STK32B: variants seen among roughly 807,000 people sequenced by gnomAD.
STK32B encodes the protein serine/threonine-protein kinase 32B.
In STK32B, 43 loss-of-function variants were observed where a neutral mutation model predicts 52.6. The ratio of observed to expected loss-of-function variants is 0.82; its 90% confidence interval spans 0.64 to 1.05. The LOEUF is 1.05. STK32B is among the 50% of genes least tolerant of loss of function. The probability of loss-of-function intolerance (pLI) is 0.00; values close to 1 mark genes in which losing one functional copy is unlikely to be tolerated. For missense variants in STK32B, 621 were observed against 534.6 expected (o/e 1.16, Z -1.59); for synonymous variants, 238 against 204.3 (o/e 1.17, Z -1.41).
intron 3 of STK32B, among the ~76,000 whole-genome samples, chr4:5,170,933 A>G (rs923319562): frequency 3.3e-5 from 5 of 152,204 alleles, no homozygotes; most frequent in African/African-American, 1.2e-4. Flanking sequence ...CCAACAGTGT[A>G]AAAGTCCTAT....
At chr4:5,321,455 G>T (rs996648267) in intron 3 of STK32B, among the ~76,000 whole-genome samples, 10 of 152,158 alleles carry the variant, frequency 6.6e-5, no homozygotes, top group Non-Finnish European at 1.0e-4. Context: ...AGTGGTGAGG[G>T]CTGTGTTGGT....
chr4:5,120,177 C>T (rs1714949177), intron 1 of STK32B, among the ~76,000 whole-genome samples: 1 of 152,210 alleles, frequency 6.6e-6, no homozygotes, highest in Admixed American at 6.5e-5. Context: ...CACTGGTAAT[C>T]ATTGACGTAA....
upstream of STK32B, chr4:5,051,443 T>A (rs1741771756): frequency 4.9e-6 from 1 of 202,178 alleles, no homozygotes; most frequent in African/African-American, 2.4e-5. Flanking sequence ...CGCCGCCCAC[T>A]GCGTGCTGCC....
At chr4:5,409,886 AAAG>A (rs1402482882) in intron 5 of STK32B, among the ~76,000 whole-genome samples, 3 of 152,224 alleles carry the variant, frequency 2.0e-5, no homozygotes, top group Non-Finnish European at 4.4e-5. Context: ...AAAAAAAATC[AAAG>A]GCTCATTTTA....
intron 3 of STK32B, among the ~76,000 whole-genome samples, chr4:5,288,988 A>G (rs1233903433): frequency 1.3e-5 from 2 of 152,242 alleles, no homozygotes; most frequent in African/African-American, 4.8e-5. Flanking sequence ...TTCCAGCACC[A>G]TTTGTTGAAA....
At chr4:5,449,193 A>AG (rs1715749732) in intron 7 of STK32B, among the ~76,000 whole-genome samples, 2 of 152,156 alleles carry the variant, frequency 1.3e-5, no homozygotes, top group South Asian at 4.1e-4. Flanking sequence ...ATACAAAAAA[A>AG]TTATCCTGGC....
intron 4 of STK32B, among the ~76,000 whole-genome samples, chr4:5,332,741 G>A (rs1425721336): frequency 6.6e-6 from 1 of 152,096 alleles, no homozygotes; most frequent in African/African-American, 2.4e-5. Context: ...GTGAGAACAT[G>A]CGGTGTTTGG....
chr4:5,299,370 C>T (rs56371066), intron 3 of STK32B, among the ~76,000 whole-genome samples: 49,812 of 151,932 alleles, frequency 0.33, 12,901 homozygotes, highest in African/African-American at 0.73. Flanking sequence ...TCCCCAGCAA[C>T]GTGCTGCAGT....
chr4:5,418,636 G>A (rs751934579), intron 6 of STK32B, among the ~76,000 whole-genome samples: 10 of 152,182 alleles, frequency 6.6e-5, no homozygotes, highest in Non-Finnish European at 1.2e-4. Context: ...AACTTTTGCC[G>A]CAGAAAACTA....
intron 3 of STK32B, among the ~76,000 whole-genome samples, chr4:5,311,928 T>C (rs1280323138): frequency 2.0e-5 from 3 of 148,172 alleles, no homozygotes; most frequent in African/African-American, 7.3e-5. Context: ...TTTTTTAAAG[T>C]TTATTCTTAT....
chr4:5,425,604 C>G (rs1266994136), intron 6 of STK32B, among the ~76,000 whole-genome samples: 3 of 111,128 alleles, frequency 2.7e-5, no homozygotes, highest in African/African-American at 1.3e-4. Context: ...GGGAGACAGT[C>G]AGTTTAAAAA....
chr4:5,267,142 A>G (rs1215879794), intron 3 of STK32B, among the ~76,000 whole-genome samples: 1 of 152,006 alleles, frequency 6.6e-6, no homozygotes. Flanking sequence ...CAAAGAGAAA[A>G]CCACATTTGC....
chr4:5,060,368 T>A (rs1225935989), intron 1 of STK32B, among the ~76,000 whole-genome samples: 2 of 152,230 alleles, frequency 1.3e-5, no homozygotes, highest in Non-Finnish European at 2.9e-5. Flanking sequence ...GATAACTCCT[T>A]TTTCAATTCT....
intron 3 of STK32B, among the ~76,000 whole-genome samples, chr4:5,276,029 C>G (rs1727799494): frequency 6.6e-6 from 1 of 152,140 alleles, no homozygotes; most frequent in Admixed American, 6.5e-5. Flanking sequence ...TGGCTCATGC[C>G]TGTAACCCCA....
chr4:5,044,972 T>C, the STK32B span, among the ~76,000 whole-genome samples: 3 of 152,162 alleles, frequency 2.0e-5, no homozygotes, highest in South Asian at 6.2e-4. Flanking sequence ...CACTTCTCCC[T>C]ACCACCCCAA....
chr4:5,271,382 T>C (rs1268313453), intron 3 of STK32B, among the ~76,000 whole-genome samples: 2 of 152,208 alleles, frequency 1.3e-5, no homozygotes, highest in Non-Finnish European at 1.5e-5. Flanking sequence ...GGATGCCTTA[T>C]TGATGAGTCT....
At chr4:5,438,190 G>A in intron 6 of STK32B, 1 of 935,960 alleles carries the variant, frequency 1.1e-6, no homozygotes, top group East Asian at 1.2e-4. Context: ...TTTCTCTCAA[G>A]CCCTCAGGAC....
intron 1 of STK32B, among the ~76,000 whole-genome samples, chr4:5,100,514 TC>T (rs1158704152): frequency 2.0e-5 from 2 of 98,212 alleles, no homozygotes; most frequent in Non-Finnish European, 4.9e-5. Context: ...TTTTCTTCTC[TC>T]CTTCTTCTCT....
intron 1 of STK32B, among the ~76,000 whole-genome samples, chr4:5,106,165 G>A (rs1714099306): frequency 6.6e-6 from 1 of 151,990 alleles, no homozygotes; most frequent in Admixed American, 6.5e-5. Context: ...TGCTGGGCAT[G>A]GTGGTGTGTG....
Sources: allele counts gnomAD v4.1 joint callset (sites outside exome capture counted in the v4.1 genomes callset), GRCh38; gene constraint gnomAD v4.1.1; transcripts MANE v1.5; gene names NCBI Gene and HGNC (gene_info 2026-07-23, HGNC 2026-07-21).